Variants in EDA observed in about 807,000 individuals in gnomAD.
The protein encoded by EDA is ectodysplasin A.
EDA carries 2 observed loss-of-function variants against 23.6 expected under a neutral mutation model. The ratio of observed to expected loss-of-function variants is 0.08; its 90% CI spans 0.03 to 0.27. The LOEUF (loss-of-function observed/expected upper bound fraction) is 0.27, where lower values mean the gene tolerates loss of function less well. Ranked by LOEUF, EDA falls within the 10% of genes least tolerant of loss-of-function variation. The pLI, the probability that EDA is intolerant of heterozygous loss-of-function variation, is 1.00. For missense variants in EDA, 229 were observed against 324.2 expected, an observed-to-expected ratio of 0.71 and a Z score of 2.26; for synonymous variants, 131 against 132.0, an observed-to-expected ratio of 0.99 and a Z score of 0.05.
intron 1 of EDA, among the ~76,000 whole-genome samples, chrX:69,899,704 C>T (rs1453361903): frequency 9.0e-6 from 1 of 111,359 alleles, no homozygotes; most frequent in Non-Finnish European, 1.9e-5. Flanking sequence ...AAAATACTTC[C>T]GTATACATTC....
intron 1 of EDA, among the ~76,000 whole-genome samples, chrX:69,715,080 T>C (rs974839346): frequency 1.2e-3 from 106 of 86,650 alleles, no homozygotes; most frequent in Non-Finnish European, 2.3e-3. Context: ...TTTTTTTTTT[T>C]TTTACTTTTT....
At chrX:69,712,402 A>T (rs1229471089) in intron 1 of EDA, among the ~76,000 whole-genome samples, 1 of 111,789 alleles carries the variant, frequency 8.9e-6, no homozygotes, top group East Asian at 2.8e-4. Context: ...TGGGCGAAGG[A>T]TATGAACAGA....
intron 1 of EDA, among the ~76,000 whole-genome samples, chrX:69,765,786 T>C (rs2014452471): frequency 9.0e-6 from 1 of 110,968 alleles, no homozygotes; most frequent in Non-Finnish European, 1.9e-5. Flanking sequence ...ATCTTATCAC[T>C]TCTGAGGATT....
chrX:69,853,759 C>T (rs1477790866), intron 1 of EDA, among the ~76,000 whole-genome samples: 9 of 112,387 alleles, frequency 8.0e-5, no homozygotes, highest in Non-Finnish European at 1.3e-4. Flanking sequence ...TGACAGTAGT[C>T]AGCAAATGTT....
At chrX:69,770,529 CACCCTCAGGTG>C (rs2014598446) in intron 1 of EDA, among the ~76,000 whole-genome samples, 1 of 111,791 alleles carries the variant, frequency 8.9e-6, no homozygotes, top group African/African-American at 3.3e-5. Context: ...GCCATCTGTA[CACCCTCAGGTG>C]AAATAGCTCT....
At chrX:69,875,013 A>G (rs751537000) in intron 1 of EDA, among the ~76,000 whole-genome samples, 1 of 112,446 alleles carries the variant, frequency 8.9e-6, no homozygotes, top group South Asian at 3.7e-4. Flanking sequence ...AACACATTCC[A>G]TGCTCATGGA....
chrX:69,810,058 G>A (rs1313084807), intron 1 of EDA, among the ~76,000 whole-genome samples: 2 of 106,510 alleles, frequency 1.9e-5, no homozygotes, highest in African/African-American at 6.8e-5. Context: ...TCAGGAGTTC[G>A]AGACCAGCCT....
intron 1 of EDA, among the ~76,000 whole-genome samples, chrX:69,739,810 T>C (rs1267526464): frequency 1.8e-5 from 2 of 110,835 alleles, no homozygotes; most frequent in Middle Eastern, 4.2e-3. Context: ...GTTATACACA[T>C]TACACACACA....
chrX:69,689,284 T>C (rs765760453), intron 1 of EDA, among the ~76,000 whole-genome samples: 7 of 85,568 alleles, frequency 8.2e-5, no homozygotes, highest in African/African-American at 1.7e-4. Flanking sequence ...TAGTTACATA[T>C]GTATACATGT....
intron 1 of EDA, among the ~76,000 whole-genome samples, chrX:69,744,305 A>C (rs2013549435): frequency 8.9e-6 from 1 of 112,035 alleles, no homozygotes. Flanking sequence ...AATGAAACTG[A>C]GGCTCAAAAC....
chrX:69,848,870 G>A (rs145254028), intron 1 of EDA, among the ~76,000 whole-genome samples: 505 of 110,949 alleles, frequency 4.6e-3, no homozygotes, highest in African/African-American at 0.015. Context: ...GCCGTCATAT[G>A]TGAGTCCTAC....
At chrX:69,988,936 G>C (rs1360556163) in intron 2 of EDA, among the ~76,000 whole-genome samples, 1 of 111,426 alleles carries the variant, frequency 9.0e-6, no homozygotes, top group Non-Finnish European at 1.9e-5. Flanking sequence ...CCTGGTGCTA[G>C]GGAGGCCCGG....
At chrX:69,727,088 G>A (rs2012835117) in intron 1 of EDA, among the ~76,000 whole-genome samples, 1 of 111,469 alleles carries the variant, frequency 9.0e-6, no homozygotes, top group African/African-American at 3.3e-5. Flanking sequence ...GTGGCTCTCA[G>A]CAGGATGGAT....
Position 69,976,212 on chromosome X carries a change from T to C in EDA, c.502+19080T>C, listed in dbSNP as rs1312924861. On this transcript the variant is annotated intron_variant, in intron 2 of 7. Coordinates refer to ENST00000374552, the MANE Select transcript of EDA (RefSeq NM_001399.5). ...ACACCACAATCTTAGCTCCCAGATATAGACACGGTTAAGAATTAAGAAGAC... is the reference window on the plus strand; with the variant it reads ...ACACCACAATCTTAGCTCCCAGATACAGACACGGTTAAGAATTAAGAAGAC... Among the ~76,000 whole-genome samples, 4 of 112,116 alleles carry C rather than the reference T, an allele frequency of 3.6e-5. No individual in the cohort carries two copies. The Admixed American group carries it at 3.8e-4, about 11-fold the overall frequency.
chrX:69,715,071 T>C (rs2012267918), intron 1 of EDA, among the ~76,000 whole-genome samples: 1 of 87,625 alleles, frequency 1.1e-5, no homozygotes, highest in Non-Finnish European at 2.6e-5. Context: ...CCCATTTTTT[T>C]TTTTTTTTTT....
At chrX:69,656,950 C>T (rs1260828495) in intron 1 of EDA, among the ~76,000 whole-genome samples, 7 of 111,986 alleles carry the variant, frequency 6.3e-5, no homozygotes, top group Non-Finnish European at 1.9e-5. Context: ...AATAGTGCTG[C>T]AATGAATATA....
At chrX:70,023,444 C>A (rs12115951) in intron 3 of EDA, among the ~76,000 whole-genome samples, 1 of 89,380 alleles carries the variant, frequency 1.1e-5, no homozygotes, top group Non-Finnish European at 2.2e-5. Flanking sequence ...CTCTTTCATT[C>A]TTCCTTGTTC....
At chrX:69,915,087 C>T (rs2018320887) in intron 1 of EDA, among the ~76,000 whole-genome samples, 1 of 111,852 alleles carries the variant, frequency 8.9e-6, no homozygotes, top group African/African-American at 3.2e-5. Context: ...TTACATAATT[C>T]AGATTATTCT....
intron 1 of EDA, among the ~76,000 whole-genome samples, chrX:69,903,115 G>A (rs752233024): frequency 9.9e-5 from 11 of 111,598 alleles, no homozygotes; most frequent in South Asian, 3.7e-4. Context: ...ATCCCTCAGG[G>A]TCTTACTTCA....
Sources: allele counts gnomAD v4.1 joint callset (sites outside exome capture counted in the v4.1 genomes callset), GRCh38; gene constraint gnomAD v4.1.1; transcripts MANE v1.5; gene names NCBI Gene and HGNC (gene_info 2026-07-23, HGNC 2026-07-21).